NRG3: variants seen among roughly 807,000 people sequenced by gnomAD.
NRG3 encodes the protein pro-neuregulin-3, membrane-bound isoform.
NRG3 carries 31 observed loss-of-function variants against 66.9 expected under a neutral mutation model. The observed-to-expected ratio is 0.46, with a 90% CI of 0.35 to 0.63. NRG3 has a LOEUF of 0.63. NRG3 is among the 20% of genes least tolerant of loss of function. The pLI is 0.00. For missense variants in NRG3, 910 were observed against 878.9 expected (o/e 1.04, Z -0.45); for synonymous variants, 393 against 359.4 (o/e 1.09, Z -1.06).
intron 1 of NRG3, among the ~76,000 whole-genome samples, chr10:82,043,373 T>G (rs2063131192): frequency 6.6e-6 from 1 of 152,040 alleles, no homozygotes; most frequent in Admixed American, 6.6e-5. Context: ...GAATAAAACT[T>G]TTTTTTAAAA....
At chr10:82,905,460 C>T (rs1844642643) in intron 4 of NRG3, among the ~76,000 whole-genome samples, 1 of 152,100 alleles carries the variant, frequency 6.6e-6, no homozygotes, top group Non-Finnish European at 1.5e-5. Flanking sequence ...CATTTAGCAC[C>T]AAAATCTCTA....
chr10:82,093,560 A>G (rs2066154539), intron 1 of NRG3, among the ~76,000 whole-genome samples: 2 of 152,212 alleles, frequency 1.3e-5, no homozygotes. Flanking sequence ...ATCCATACGC[A>G]CTTGATTCTC....
chr10:81,891,336 T>A (rs535161026), intron 1 of NRG3, among the ~76,000 whole-genome samples: 1 of 152,348 alleles, frequency 6.6e-6, no homozygotes, highest in South Asian at 2.1e-4. Flanking sequence ...CCATGTACTC[T>A]CTGTAAGGTT....
At chr10:82,868,777 C>T (rs1256430961) in intron 4 of NRG3, among the ~76,000 whole-genome samples, 2 of 152,120 alleles carry the variant, frequency 1.3e-5, no homozygotes, top group Non-Finnish European at 2.9e-5. Flanking sequence ...ATTGCAACCT[C>T]CGCCTCCCAA....
Position 82,102,093 on chromosome 10 carries a change from C to CAT in NRG3, c.823+225941_823+225942dup, listed in dbSNP as rs377044331. Among the ~76,000 whole-genome samples the CAT allele has an allele frequency of 7.3e-5, 8 of 109,176 alleles. No individual in the cohort carries two copies. In the East Asian group the frequency reaches 1.6e-3, roughly 22 times the overall value. 71.6% of individuals were successfully genotyped at this position (109,176 alleles called of 152,430 possible). ...GTGTATACATATATATATGTGTATT[C>CAT]ATATATATATATGTGTATTCATATA... On this transcript the variant is annotated intron_variant, in intron 1 of 8. Transcript: ENST00000372141.
At chr10:82,298,542 T>C (rs538297986) in intron 1 of NRG3, among the ~76,000 whole-genome samples, 2 of 152,288 alleles carry the variant, frequency 1.3e-5, no homozygotes, top group Admixed American at 1.3e-4. Flanking sequence ...GCAACATATT[T>C]AGAAGGCAGT....
chr10:82,079,421 C>A (rs944181062), intron 1 of NRG3, among the ~76,000 whole-genome samples: 1 of 152,168 alleles, frequency 6.6e-6, no homozygotes, highest in African/African-American at 2.4e-5. Flanking sequence ...CTACTGCCCC[C>A]ACACATGCAC....
intron 3 of NRG3, among the ~76,000 whole-genome samples, chr10:82,803,796 G>T (rs2061155351): frequency 1.4e-5 from 2 of 145,858 alleles, no homozygotes; most frequent in Admixed American, 6.8e-5. Flanking sequence ...TGAGATAATG[G>T]CTACAAAAAA....
chr10:82,366,339 C>T (rs2084521745), intron 2 of NRG3, among the ~76,000 whole-genome samples: 3 of 152,128 alleles, frequency 2.0e-5, no homozygotes, highest in Admixed American at 1.3e-4. Context: ...GTACCAGTAT[C>T]ATCTGCCTTA....
At chr10:82,739,278 T>C (rs753649884) in intron 3 of NRG3, among the ~76,000 whole-genome samples, 11 of 152,250 alleles carry the variant, frequency 7.2e-5, no homozygotes, top group Non-Finnish European at 1.5e-4. Flanking sequence ...TAACCTTTTA[T>C]GCTTAAATGC....
chr10:82,805,878 C>T (rs1240119525), intron 3 of NRG3, among the ~76,000 whole-genome samples: 1 of 152,106 alleles, frequency 6.6e-6, no homozygotes, highest in African/African-American at 2.4e-5. Flanking sequence ...CAGGCCTGTT[C>T]CAAAGACTTC....
At chr10:82,132,826 A>T (rs905437280) in intron 1 of NRG3, among the ~76,000 whole-genome samples, 1 of 151,352 alleles carries the variant, frequency 6.6e-6, no homozygotes, top group Non-Finnish European at 1.5e-5. Flanking sequence ...CTAGGAATTT[A>T]TCCTTTTCTT....
chr10:81,933,610 T>G (rs981613756), intron 1 of NRG3, among the ~76,000 whole-genome samples: 12 of 152,280 alleles, frequency 7.9e-5, no homozygotes, highest in African/African-American at 2.6e-4. Flanking sequence ...TCTTCCAAAG[T>G]GTCCTATGAG....
chr10:82,012,536 T>G (rs772810456), intron 1 of NRG3, among the ~76,000 whole-genome samples: 1 of 152,206 alleles, frequency 6.6e-6, no homozygotes, highest in Non-Finnish European at 1.5e-5. Flanking sequence ...TCTATCACAT[T>G]GTCAGGCAGC....
At chr10:82,860,407 T>G (rs186118084) in intron 3 of NRG3, among the ~76,000 whole-genome samples, 6 of 152,322 alleles carry the variant, frequency 3.9e-5, no homozygotes, top group Admixed American at 3.9e-4. Context: ...ATTAGCTTTT[T>G]CTTTATAGGA....
intron 1 of NRG3, among the ~76,000 whole-genome samples, chr10:81,882,971 A>T (rs1302153331): frequency 6.6e-6 from 1 of 152,134 alleles, no homozygotes; most frequent in Non-Finnish European, 1.5e-5. Context: ...GAGGAGCTGA[A>T]ATTTGGGAGA....
chr10:82,145,973 CT>C (rs923888598), intron 1 of NRG3, among the ~76,000 whole-genome samples: 3 of 152,136 alleles, frequency 2.0e-5, no homozygotes, highest in African/African-American at 7.2e-5. Context: ...TAGCTGATGC[CT>C]AGTTGTTGAG....
chr10:82,649,452 G>A (rs1484148906), intron 2 of NRG3, among the ~76,000 whole-genome samples: 1 of 143,590 alleles, frequency 7.0e-6, no homozygotes, highest in African/African-American at 2.6e-5. Flanking sequence ...GTGCTTTCTG[G>A]TGCAGGCTTT....
At chr10:82,134,176 A>G (rs985625800) in intron 1 of NRG3, among the ~76,000 whole-genome samples, 40 of 152,240 alleles carry the variant, frequency 2.6e-4, no homozygotes, top group African/African-American at 9.6e-4. Flanking sequence ...TGTCACATGC[A>G]TAGTTTGCAA....
Sources: allele counts gnomAD v4.1 joint callset (sites outside exome capture counted in the v4.1 genomes callset), GRCh38; gene constraint gnomAD v4.1.1; transcripts MANE v1.5; gene names NCBI Gene and HGNC (gene_info 2026-07-23, HGNC 2026-07-21).